The following SLC25A21 variants were observed in gnomAD, a reference collection of about 807,000 sequenced individuals.
SLC25A21 encodes the protein solute carrier family 25 member 21, also known as mitochondrial 2-oxodicarboxylate carrier.
A neutral mutation model predicts 43.8 loss-of-function variants in SLC25A21; 47 were observed. The observed-to-expected ratio is 1.07, with a 90% CI of 0.85 to 1.37. The LOEUF is 1.37. Among genes scored for constraint, SLC25A21 ranks in the 40% most tolerant of loss-of-function variants. The pLI, the probability that SLC25A21 is intolerant of heterozygous loss-of-function variation, is 0.00. For missense variants in SLC25A21, 352 were observed against 350.2 expected (o/e 1.00, Z -0.04); for synonymous variants, 131 against 121.3 (o/e 1.08, Z -0.52).
At chr14:37,068,197 C>T (rs183257564) in intron 1 of SLC25A21, among the ~76,000 whole-genome samples, 14 of 152,318 alleles carry the variant, frequency 9.2e-5, no homozygotes, top group African/African-American at 3.4e-4. Flanking sequence ...GGATTTTAAG[C>T]AGGAGAAAGG....
chr14:36,988,060 C>G (rs530561275), intron 1 of SLC25A21, among the ~76,000 whole-genome samples: 97 of 152,308 alleles, frequency 6.4e-4, no homozygotes, highest in African/African-American at 2.2e-3. Context: ...ACCTGAAAAG[C>G]CCTGTGGCCT....
rs5807900 is a variant in SLC25A21, at chr14:36,680,005, T to TATCAATC, written c.*652_*653insGATTGAT. The TATCAATC allele has an allele frequency of 1.8e-5, 15 of 845,534 alleles. No homozygotes were observed. The highest frequency in any genetic ancestry group is 5.6e-5 in the South Asian group (1 of 17,932). The allele number at this position is 845,534 out of a possible 1,614,324, so 52.4% of individuals were successfully genotyped here. On this transcript the variant is annotated 3_prime_UTR_variant, in exon 10 of 10. Coordinates refer to ENST00000331299, the MANE Select transcript of SLC25A21 (RefSeq NM_030631.4). ...ACAATGTTTTAAAATACCTATTTAT[T>TATCAATC]ATCTTACAGCAATATGAGATATAAA...
intron 3 of SLC25A21, among the ~76,000 whole-genome samples, chr14:36,755,579 T>C (rs1046797745): frequency 2.6e-5 from 4 of 152,180 alleles, no homozygotes; most frequent in African/African-American, 9.7e-5. Context: ...AATATCAAAT[T>C]GCTTTAACAT....
chr14:36,797,588 T>C (rs1887718715), intron 3 of SLC25A21, among the ~76,000 whole-genome samples: 1 of 152,310 alleles, frequency 6.6e-6, no homozygotes, highest in South Asian at 2.1e-4. Flanking sequence ...ATATGGCCCA[T>C]GTAAATTCTA....
At chr14:36,711,539 A>G (rs1883871852) in intron 6 of SLC25A21, 57 bp from the exon 7 acceptor site, 1 of 1,537,234 alleles carries the variant, frequency 6.5e-7, no homozygotes, top group Non-Finnish European at 8.8e-7. Context: ...GGAATACAGT[A>G]AATTACCGTA....
rs550599101 is a variant in SLC25A21, at chr14:37,122,691, A to G, written c.70+49590T>C. Among the ~76,000 whole-genome samples the G allele has an allele frequency of 2.0e-5, 3 of 152,330 alleles. No individual in the cohort carries two copies. The South Asian group carries it at 6.2e-4, about 32-fold the overall frequency. On this transcript the variant is annotated intron_variant, in intron 1 of 9. Coordinates refer to ENST00000331299, the MANE Select transcript of SLC25A21 (RefSeq NM_030631.4). ...CAAAATTTACACTCCACACAAAAAG[A>G]AATTTAACTCCATTTGGATATATCA...
chr14:36,879,739 C>G (rs888640203), intron 1 of SLC25A21, among the ~76,000 whole-genome samples: 2 of 152,034 alleles, frequency 1.3e-5, no homozygotes, highest in African/African-American at 4.8e-5. Context: ...CCCTGGGCAG[C>G]CTGTTCAACC....
chr14:36,725,790 A>C (rs1458532618), intron 5 of SLC25A21, 113 bp from the exon 6 acceptor site: 1 of 479,982 alleles, frequency 2.1e-6, no homozygotes, highest in African/African-American at 2.0e-5. Flanking sequence ...GGAGAAACCT[A>C]CATAAACGCA....
chr14:36,777,673 T>C (rs1243141308), intron 3 of SLC25A21, among the ~76,000 whole-genome samples: 2 of 152,194 alleles, frequency 1.3e-5, no homozygotes, highest in Non-Finnish European at 2.9e-5. Flanking sequence ...AGGAGGGGCA[T>C]GGGATGGTTT....
intron 1 of SLC25A21, among the ~76,000 whole-genome samples, chr14:37,112,245 C>G (rs1963032716): frequency 6.6e-6 from 1 of 152,052 alleles, no homozygotes; most frequent in South Asian, 2.1e-4. Context: ...GCCGCCGCCG[C>G]CAAAATACAA....
At chr14:37,150,722 C>G (rs1963744744) in intron 1 of SLC25A21, among the ~76,000 whole-genome samples, 1 of 152,170 alleles carries the variant, frequency 6.6e-6, no homozygotes, top group Non-Finnish European at 1.5e-5. Context: ...ATCTTAGTTT[C>G]AGATATAAAT....
At chr14:37,015,128 T>C (rs1960820672) in intron 1 of SLC25A21, among the ~76,000 whole-genome samples, 1 of 151,864 alleles carries the variant, frequency 6.6e-6, no homozygotes, top group African/African-American at 2.4e-5. Flanking sequence ...GCCATGCTGG[T>C]GTGCTGCATC....
At chr14:36,897,333 G>C (rs1891271458) in intron 1 of SLC25A21, among the ~76,000 whole-genome samples, 2 of 151,988 alleles carry the variant, frequency 1.3e-5, no homozygotes, top group South Asian at 2.1e-4. Flanking sequence ...GATCGAATCG[G>C]CTACTGAGGC....
chr14:36,970,286 T>C lies in SLC25A21; in HGVS notation c.71-95282A>G, dbSNP rs562292475. Among the ~76,000 whole-genome samples, 11 of 152,258 alleles carry C rather than the reference T, an allele frequency of 7.2e-5. No individual in the cohort carries two copies. The South Asian group carries it at 2.3e-3, about 32-fold the overall frequency. ...CTTGAGGTCTGGAATCCTGTGGTTGTCCAGGATGGTATAACCAGAATAGGT... is the reference window on the plus strand; with the variant it reads ...CTTGAGGTCTGGAATCCTGTGGTTGCCCAGGATGGTATAACCAGAATAGGT... On this transcript the variant is annotated intron_variant, in intron 1 of 9. Transcript: ENST00000331299.
At chr14:36,954,740 G>A (rs763253560) in intron 1 of SLC25A21, among the ~76,000 whole-genome samples, 5 of 152,070 alleles carry the variant, frequency 3.3e-5, no homozygotes, top group Non-Finnish European at 7.4e-5. Context: ...TAGCTCGATT[G>A]AGCCATTCCA....
intron 3 of SLC25A21, among the ~76,000 whole-genome samples, chr14:36,796,429 A>T (rs943742370): frequency 3.0e-4 from 45 of 148,816 alleles, no homozygotes; most frequent in African/African-American, 6.0e-4. Context: ...CTTTTTTTTT[A>T]AAAAGTACCA....
At chr14:36,938,597 T>C (rs1420513429) in intron 1 of SLC25A21, among the ~76,000 whole-genome samples, 1 of 152,048 alleles carries the variant, frequency 6.6e-6, no homozygotes, top group East Asian at 1.9e-4. Context: ...CAATACATGA[T>C]AAATGATTGC....
chr14:36,677,930 A>G lies in SLC25A21; in HGVS notation c.*2728T>C. On this transcript the variant is annotated 3_prime_UTR_variant, in exon 10 of 10. Coordinates refer to ENST00000331299, the MANE Select transcript of SLC25A21 (RefSeq NM_030631.4). ...TTGATTTTCTGGGGCAAAATTCTAC[A>G]GTTTTTAATCCCTTCTGTTTAGGAA... The G allele has an allele frequency of 6.5e-6, 1 of 152,772 alleles. No individual in the cohort carries two copies. The highest frequency in any genetic ancestry group is 1.9e-4 in the East Asian group (1 of 5,222). The allele number at this position is 152,772 out of a possible 1,614,324, so 9.5% of individuals were successfully genotyped here. A position where few individuals can be genotyped will look rare whatever the true frequency, so the allele number is the denominator to read the frequency against.
At chr14:37,005,691 C>T (rs1960588321) in intron 1 of SLC25A21, among the ~76,000 whole-genome samples, 1 of 152,100 alleles carries the variant, frequency 6.6e-6, no homozygotes, top group Non-Finnish European at 1.5e-5. Flanking sequence ...TAGATACACA[C>T]ACACACACAC....
Sources: allele counts gnomAD v4.1 joint callset (sites outside exome capture counted in the v4.1 genomes callset), GRCh38; gene constraint gnomAD v4.1.1; transcripts MANE v1.5; gene names NCBI Gene and HGNC (gene_info 2026-07-23, HGNC 2026-07-21).